Variants in MAPK8IP1 observed in about 807,000 individuals in gnomAD.
The protein encoded by MAPK8IP1 is C-Jun-amino-terminal kinase-interacting protein 1.
MAPK8IP1 carries 17 observed loss-of-function variants against 72.6 expected under a neutral mutation model. That is an observed-to-expected ratio of 0.23 (90% CI 0.16 to 0.35). MAPK8IP1 has a LOEUF of 0.35. Ranked by LOEUF, MAPK8IP1 falls within the 10% of genes least tolerant of loss-of-function variation. MAPK8IP1 has a pLI of 1.00. For missense variants in MAPK8IP1, 789 were observed against 1,009.7 expected (o/e 0.78, Z 2.96); for synonymous variants, 401 against 443.4 (o/e 0.90, Z 1.20).
chr11:45,895,634 ATAT>A (rs1309330581), intron 1 of MAPK8IP1, among the ~76,000 whole-genome samples: 1,177 of 114,212 alleles, frequency 0.01, 21 homozygotes, highest in East Asian at 0.047. Context: ...AAAAAAAAAA[ATAT>A]ATATATATAT....
chr11:45,891,557 C>T (rs1336931068), intron 1 of MAPK8IP1, among the ~76,000 whole-genome samples: 1 of 152,146 alleles, frequency 6.6e-6, no homozygotes, highest in East Asian at 1.9e-4. Flanking sequence ...GGCAGCCCAG[C>T]AGCAGACGGG....
chr11:45,893,330 CA>C (rs2086580457), intron 1 of MAPK8IP1, among the ~76,000 whole-genome samples: 1 of 152,148 alleles, frequency 6.6e-6, no homozygotes, highest in Non-Finnish European at 1.5e-5. Flanking sequence ...CATCAGAACA[CA>C]AAAGGCATGT....
Position 45,906,303 on chromosome 11 carries a change from G to C in MAPK8IP1, c.*582G>C. 2.5e-6 allele frequency: 1 copy of C among 395,636 alleles called. No individual in the cohort carries two copies. The highest frequency in any genetic ancestry group is 2.0e-5 in the African/African-American group (1 of 48,956). 24.5% of individuals were successfully genotyped at this position (395,636 alleles called of 1,614,324 possible). On this transcript the variant is annotated 3_prime_UTR_variant, in exon 12 of 12. Transcript: ENST00000241014. ...GGTGGCTCCTGCCACTGACCTCACC[G>C]GCATGCTGGCCTGTGGCAGGCCTAG...
rs2280331 is a variant in MAPK8IP1 at position 45,902,146 on chromosome 11, A to T, written c.604+85A>T. ...CAGAGAGCAAACCCTACAGTCTCCAAAGGGCTGAGTAGAGGTGAACTGCCC... is the reference window on the plus strand; with the variant it reads ...CAGAGAGCAAACCCTACAGTCTCCATAGGGCTGAGTAGAGGTGAACTGCCC... On this transcript the variant is annotated intron_variant, in intron 4 of 11. Transcript: ENST00000241014. This position sits in a 1 kb window ranked among gnomAD's most constrained non-coding sequence, Gnocchi z 9.3. 1.6e-6 allele frequency: 2 copies of T among 1,281,412 alleles called. No homozygotes were observed. The highest frequency in any genetic ancestry group is 4.6e-5 in the East Asian group (2 of 43,302). The allele number at this position is 1,281,412 out of a possible 1,614,324, so 79.4% of individuals were successfully genotyped here. A position where few individuals can be genotyped will look rare whatever the true frequency, so the allele number is the denominator to read the frequency against.
rs1487677034 is a variant in MAPK8IP1 at position 45,900,064 on chromosome 11, G to A, written c.208-74G>A. The A allele has an allele frequency of 8.3e-6, 8 of 968,622 alleles. No individual in the cohort carries two copies. Among genetic ancestry groups the A allele is most frequent in the Non-Finnish European group, 9.1e-6 (7 of 772,648 alleles). The allele number at this position is 968,622 out of a possible 1,614,324, so 60.0% of individuals were successfully genotyped here. On this transcript the variant is annotated intron_variant, in intron 2 of 11. Coordinates refer to ENST00000241014, the MANE Select transcript of MAPK8IP1 (RefSeq NM_005456.4). The surrounding 1 kb of genome is among the most constrained non-coding windows in gnomAD (Gnocchi z 6.5). Reference sequence around the variant, plus strand: ...TTCGCGCCACAGAATGGACTCGCCCGGGCGGGGGGCGGTGCAAGCGGCCTC... The same window carrying A: ...TTCGCGCCACAGAATGGACTCGCCCAGGCGGGGGGCGGTGCAAGCGGCCTC...
chr11:45,904,146 C>T lies in MAPK8IP1; in HGVS notation c.1651C>T (p.Pro551Ser). The T allele has an allele frequency of 6.2e-7, 1 of 1,613,926 alleles. No homozygotes were observed. Among genetic ancestry groups the T allele is most frequent in the Non-Finnish European group, 8.5e-7 (1 of 1,179,968 alleles). The change falls in exon 7 of 12, where the codon CCC becomes TCC. Residue 551 changes from proline (P) to serine (S), a missense_variant. Pro to Ser is a moderately conservative substitution (Grantham distance 74, BLOSUM62 -1). Coordinates refer to ENST00000241014, the MANE Select transcript of MAPK8IP1 (RefSeq NM_005456.4). The surrounding 1 kb of genome is among the most constrained non-coding windows in gnomAD (Gnocchi z 6.4). ...TTACGCCATCGAGGTCACCAAGGAG[C>T]CCGAGCACATGGCAGGTAGTGTTCC... ...AYYAIEVTKE[P>S]EHMAALAKNS... is the part of the protein sequence containing the mutation.
rs142949709 is a variant in MAPK8IP1, at chr11:45,898,441, C to T, written c.207+251C>T. Among the ~76,000 whole-genome samples the T allele has an allele frequency of 2.2e-3, 336 of 152,242 alleles. 1 individual carries two copies. The highest frequency in any genetic ancestry group is 7.3e-3 in the African/African-American group (304 of 41,528). ...AGGAAGTAGCTCCTTCAACTGCCCACGAGATGGGAGAGGCCAGGAAGTCTT... is the reference window on the plus strand; with the variant it reads ...AGGAAGTAGCTCCTTCAACTGCCCATGAGATGGGAGAGGCCAGGAAGTCTT... On this transcript the variant is annotated intron_variant, in intron 2 of 11. Transcript: ENST00000241014.
intron 2 of MAPK8IP1, among the ~76,000 whole-genome samples, 176 bp from the exon 3 acceptor site, chr11:45,899,962 C>CGGG (rs1337101887): frequency 2.0e-5 from 3 of 152,230 alleles, no homozygotes; most frequent in South Asian, 4.1e-4. Flanking sequence ...GAGGCGGCGG[C>CGGG]CTCGCGCTTC....
At chr11:45,892,399 A>G (rs2086574250) in intron 1 of MAPK8IP1, among the ~76,000 whole-genome samples, 1 of 152,208 alleles carries the variant, frequency 6.6e-6, no homozygotes, top group South Asian at 2.1e-4. Context: ...TTCATTCAGC[A>G]TTTGTCAAGT....
chr11:45,887,510 A>T (rs1192076669), intron 1 of MAPK8IP1, among the ~76,000 whole-genome samples: 4 of 152,164 alleles, frequency 2.6e-5, no homozygotes, highest in Non-Finnish European at 5.9e-5. Context: ...TCATCTGGAG[A>T]CTACAAAAGA....
chr11:45,892,299 G>A (rs1016995402), intron 1 of MAPK8IP1, among the ~76,000 whole-genome samples: 3 of 152,214 alleles, frequency 2.0e-5, no homozygotes, highest in Non-Finnish European at 4.4e-5. Flanking sequence ...TCTGGTGTAG[G>A]TGGGGACACA....
intron 1 of MAPK8IP1, among the ~76,000 whole-genome samples, chr11:45,894,294 T>C (rs1007812502): frequency 6.6e-6 from 1 of 152,192 alleles, no homozygotes; most frequent in African/African-American, 2.4e-5. Flanking sequence ...AGGATTTATT[T>C]CAGGCCTCCT....
chr11:45,898,194 A>C lies in MAPK8IP1; in HGVS notation c.207+4A>C, dbSNP rs759513105. Reference sequence around the variant, plus strand: ...CAAAGACACCCTGTCCTTACGGGTAAGGGCAAGCTCCCAGGAGCTCCTGAG... The same window carrying C: ...CAAAGACACCCTGTCCTTACGGGTACGGGCAAGCTCCCAGGAGCTCCTGAG... On this transcript the variant is annotated splice_donor_region_variant and intron_variant, in intron 2 of 11. Transcript: ENST00000241014. The C allele has an allele frequency of 1.2e-5, 19 of 1,606,986 alleles. No homozygotes were observed. Among genetic ancestry groups the C allele is most frequent in the Non-Finnish European group, 1.6e-5 (19 of 1,174,520 alleles).
chr11:45,896,902 A>G (rs1385059901), intron 1 of MAPK8IP1: 1 of 1,566,492 alleles, frequency 6.4e-7, no homozygotes, highest in Non-Finnish European at 8.6e-7. Context: ...CTGAAGATGG[A>G]TTCGAGCCCA....
Position 45,900,074 on chromosome 11 carries a change from C to A in MAPK8IP1, c.208-64C>A. On this transcript the variant is annotated intron_variant, in intron 2 of 11. Transcript: ENST00000241014. The surrounding 1 kb of genome is among the most constrained non-coding windows in gnomAD (Gnocchi z 6.5). ...AGAATGGACTCGCCCGGGCGGGGGG[C>A]GGTGCAAGCGGCCTCGGCCCCGCCC... The A allele has an allele frequency of 9.9e-7, 1 of 1,010,994 alleles. No individual in the cohort carries two copies. Among genetic ancestry groups the A allele is most frequent in the Non-Finnish European group, 1.2e-6 (1 of 808,086 alleles). The allele number at this position is 1,010,994 out of a possible 1,614,324, so 62.6% of individuals were successfully genotyped here. A position where few individuals can be genotyped will look rare whatever the true frequency, so the allele number is the denominator to read the frequency against.
rs746843201 is a variant in MAPK8IP1, at chr11:45,903,378, C to T, written c.1431C>T (p.Phe477=). ...GRSRSSSAES[F]GLFSCIINGE... Reference sequence around the variant, plus strand: ...CCTCACCTGCAGGTGCTGAGTCCTTCGGGCTGTTCTCCTGCATCATCAACG... The same window carrying T: ...CCTCACCTGCAGGTGCTGAGTCCTTTGGGCTGTTCTCCTGCATCATCAACG... The change falls in exon 6 of 12, where the codon TTC becomes TTT. Residue 477 remains phenylalanine, a synonymous_variant. Transcript: ENST00000241014. This position sits in a 1 kb window ranked among gnomAD's most constrained non-coding sequence, Gnocchi z 6.4. 20 of 1,613,772 alleles carry T rather than the reference C, an allele frequency of 1.2e-5. No individual in the cohort carries two copies. Among genetic ancestry groups the T allele is most frequent in the Middle Eastern group, 1.6e-4 (1 of 6,062 alleles).
Position 45,900,085 on chromosome 11 carries a change from G to C in MAPK8IP1, c.208-53G>C, listed in dbSNP as rs530486701. ...GCCCGGGCGGGGGGCGGTGCAAGCG[G>C]CCTCGGCCCCGCCCCGGCCCCGCCC... On this transcript the variant is annotated intron_variant, in intron 2 of 11. Coordinates refer to ENST00000241014, the MANE Select transcript of MAPK8IP1 (RefSeq NM_005456.4). This position sits in a 1 kb window ranked among gnomAD's most constrained non-coding sequence, Gnocchi z 6.5. 6.7e-4 allele frequency: 740 copies of C among 1,109,394 alleles called. 1 individual carries two copies. Among genetic ancestry groups the C allele is most frequent in the Middle Eastern group, 5.8e-3 (16 of 2,744 alleles). The allele number at this position is 1,109,394 out of a possible 1,614,324, so 68.7% of individuals were successfully genotyped here.
intron 1 of MAPK8IP1, among the ~76,000 whole-genome samples, chr11:45,886,337 A>G (rs2086527234): frequency 6.6e-6 from 1 of 152,158 alleles, no homozygotes; most frequent in South Asian, 2.1e-4. Flanking sequence ...TCCTGGGGCA[A>G]CGACATTGTT....
rs968421356 is a variant in MAPK8IP1 at position 45,900,687 on chromosome 11, A to C, written c.522+235A>C. Reference sequence around the variant, plus strand: ...GCTTGGAGCCTTGAGGCGGGATTGAAGGAGGGAAGGACTGGGGTTAGGAGA... The same window carrying C: ...GCTTGGAGCCTTGAGGCGGGATTGACGGAGGGAAGGACTGGGGTTAGGAGA... On this transcript the variant is annotated intron_variant, in intron 3 of 11. Coordinates refer to ENST00000241014, the MANE Select transcript of MAPK8IP1 (RefSeq NM_005456.4). The surrounding 1 kb of genome is among the most constrained non-coding windows in gnomAD (Gnocchi z 6.5). Among the ~76,000 whole-genome samples the C allele has an allele frequency of 2.0e-5, 3 of 152,178 alleles. No homozygotes were observed. In the East Asian group the frequency reaches 5.8e-4, roughly 29 times the overall value.
Sources: gnomAD v4.1 joint callset for allele counts (sites outside exome capture counted in the v4.1 genomes callset) on GRCh38, gnomAD v4.1.1 for gene constraint, Gnocchi (gnomAD v3.1) non-coding constraint, MANE v1.5 for transcripts, NCBI Gene and HGNC (gene_info 2026-07-23, HGNC 2026-07-21) for gene names.